Variants in PPARGC1A observed in about 807,000 individuals in gnomAD.
PPARGC1A encodes the protein peroxisome proliferator-activated receptor gamma coactivator 1-alpha.
A neutral mutation model predicts 88.7 loss-of-function variants in PPARGC1A; 25 were observed. That is an observed-to-expected ratio of 0.28 (90% CI 0.21 to 0.39). PPARGC1A has a LOEUF of 0.39. Among genes scored for constraint, PPARGC1A ranks in the 10% least tolerant of loss-of-function variants. PPARGC1A has a pLI of 1.00. For missense variants in PPARGC1A, 880 were observed against 968.7 expected (o/e 0.91, Z 1.22); for synonymous variants, 363 against 355.6 (o/e 1.02, Z -0.24).
the PPARGC1A span, among the ~76,000 whole-genome samples, chr4:24,074,359 A>C: frequency 6.6e-6 from 1 of 152,084 alleles, no homozygotes; most frequent in Non-Finnish European, 1.5e-5. Context: ...ATTTGCCATG[A>C]GAATTAAATG....
At chr4:24,404,480 C>G in the PPARGC1A span, among the ~76,000 whole-genome samples, 1 of 152,150 alleles carries the variant, frequency 6.6e-6, no homozygotes, top group Middle Eastern at 3.4e-3. Context: ...AAGGGAGGAT[C>G]TTGCCAACTT....
the PPARGC1A span, among the ~76,000 whole-genome samples, chr4:24,339,235 T>TACACACACACACAC: frequency 9.1e-6 from 1 of 110,214 alleles, no homozygotes; most frequent in African/African-American, 3.7e-5. Context: ...TATATATATA[T>TACACACACACACAC]ATACACACAC....
intron 2 of PPARGC1A, chr4:23,881,439 T>C (rs960722765): frequency 1.3e-5 from 2 of 152,204 alleles, no homozygotes; most frequent in African/African-American, 4.8e-5. Context: ...TTTCTCAAAT[T>C]GTGACATTCA....
chr4:24,162,878 G>A, the PPARGC1A span, among the ~76,000 whole-genome samples: 1 of 151,912 alleles, frequency 6.6e-6, no homozygotes, highest in East Asian at 1.9e-4. Flanking sequence ...ACAGGTGTGA[G>A]TCACCACACC....
the PPARGC1A span, among the ~76,000 whole-genome samples, chr4:24,346,932 C>T: frequency 6.6e-6 from 1 of 152,068 alleles, no homozygotes; most frequent in Non-Finnish European, 1.5e-5. Context: ...CCTCTTAGCA[C>T]CAACTTTGCT....
At chr4:23,973,044 G>A in the PPARGC1A span, among the ~76,000 whole-genome samples, 1 of 152,178 alleles carries the variant, frequency 6.6e-6, no homozygotes, top group Admixed American at 6.5e-5. Flanking sequence ...ATCCCTGCAG[G>A]ATCAGATAAG....
At chr4:23,987,972 G>A in the PPARGC1A span, among the ~76,000 whole-genome samples, 2 of 150,242 alleles carry the variant, frequency 1.3e-5, no homozygotes, top group South Asian at 4.2e-4. Flanking sequence ...CCCAGTGTAT[G>A]ATGTTCCCTT....
chr4:24,325,549 T>TGC, the PPARGC1A span, among the ~76,000 whole-genome samples: 1 of 152,126 alleles, frequency 6.6e-6, no homozygotes, highest in Non-Finnish European at 1.5e-5. Flanking sequence ...TCCTAAGCCT[T>TGC]GTCCCATCTG....
chr4:23,912,186 C>G, the PPARGC1A span, among the ~76,000 whole-genome samples: 1 of 152,148 alleles, frequency 6.6e-6, no homozygotes, highest in Non-Finnish European at 1.5e-5. Flanking sequence ...ATGGCATTTT[C>G]AAGAGCAGGT....
chr4:24,059,463 T>C, the PPARGC1A span, among the ~76,000 whole-genome samples: 31,464 of 152,150 alleles, frequency 0.21, 4,175 homozygotes, highest in Admixed American at 0.34. Context: ...TCTAAAGAAG[T>C]GAGCGCTTTT....
In PPARGC1A at chr4:23,890,030, G is replaced by A; in HGVS notation, c.-73C>T. ...GTGACACAGAGCACACACTCATGCAGGCAACCAGCCCCTTACTGAGAGTGA... is the reference window on the plus strand; with the variant it reads ...GTGACACAGAGCACACACTCATGCAAGCAACCAGCCCCTTACTGAGAGTGA... On this transcript the variant is annotated 5_prime_UTR_variant, in exon 1 of 13. Coordinates refer to ENST00000264867, the MANE Select transcript of PPARGC1A (RefSeq NM_013261.5). 6.2e-7 allele frequency: 1 copy of A among 1,601,612 alleles called. No homozygotes were observed. The highest frequency in any genetic ancestry group is 8.5e-7 in the Non-Finnish European group (1 of 1,174,162).
At chr4:23,978,505 C>T in the PPARGC1A span, among the ~76,000 whole-genome samples, 1 of 152,190 alleles carries the variant, frequency 6.6e-6, no homozygotes, top group Non-Finnish European at 1.5e-5. Flanking sequence ...ATGGATCCAT[C>T]TTGCCCACAT....
intron 7 of PPARGC1A, among the ~76,000 whole-genome samples, chr4:23,823,262 T>C (rs1320644249): frequency 1.3e-5 from 2 of 152,092 alleles, no homozygotes; most frequent in South Asian, 2.1e-4. Flanking sequence ...AATCTTTTCC[T>C]TCAAGGAGCA....
the PPARGC1A span, among the ~76,000 whole-genome samples, chr4:24,379,311 T>C: frequency 4.0e-5 from 6 of 151,670 alleles, no homozygotes; most frequent in Non-Finnish European, 5.9e-5. Flanking sequence ...TAAAGAGAGG[T>C]TGGTTAATAG....
At chr4:24,350,787 A>G in the PPARGC1A span, among the ~76,000 whole-genome samples, 1 of 152,078 alleles carries the variant, frequency 6.6e-6, no homozygotes. Flanking sequence ...AGCCTAATGG[A>G]AAAGGAAAGG....
chr4:24,193,921 G>C, the PPARGC1A span, among the ~76,000 whole-genome samples: 1 of 152,064 alleles, frequency 6.6e-6, no homozygotes, highest in Non-Finnish European at 1.5e-5. Flanking sequence ...CTGAGACCAG[G>C]AGTTCAAGAC....
the PPARGC1A span, among the ~76,000 whole-genome samples, chr4:24,106,440 C>T: frequency 1.3e-5 from 2 of 152,186 alleles, no homozygotes; most frequent in Non-Finnish European, 2.9e-5. Context: ...AATGGCAACA[C>T]TTTGAGCACC....
the PPARGC1A span, among the ~76,000 whole-genome samples, chr4:24,143,144 G>A: frequency 6.6e-6 from 1 of 152,040 alleles, no homozygotes; most frequent in Admixed American, 6.5e-5. Context: ...AGTTATTTGG[G>A]GTAAAGGAGA....
rs1716547683 is a variant in PPARGC1A, at chr4:23,884,632, A to G, written c.234+120T>C. ...ATAAATTAGAAAGTATGTAACTGTG[A>G]TGAAAAGTCTTTTGATGATAGCAAA... On this transcript the variant is annotated intron_variant, in intron 2 of 12. Coordinates refer to ENST00000264867, the MANE Select transcript of PPARGC1A (RefSeq NM_013261.5). 5 of 796,314 alleles carry G rather than the reference A, an allele frequency of 6.3e-6. 1 individual carries two copies. The highest frequency in any genetic ancestry group is 6.5e-5 in the Admixed American group (2 of 30,676). 49.3% of individuals were successfully genotyped at this position (796,314 alleles called of 1,614,324 possible).
Sources: gnomAD v4.1 joint callset for allele counts (sites outside exome capture counted in the v4.1 genomes callset) on GRCh38, gnomAD v4.1.1 for gene constraint, MANE v1.5 for transcripts, NCBI Gene and HGNC (gene_info 2026-07-23, HGNC 2026-07-21) for gene names.